SCHIP1: variants seen among roughly 807,000 people sequenced by gnomAD.
The protein encoded by SCHIP1 is schwannomin-interacting protein 1.
Under a neutral mutation model 29.7 loss-of-function variants are expected in SCHIP1, and 8 were observed. That is an observed-to-expected ratio of 0.27 (90% CI 0.16 to 0.49). The LOEUF is 0.49. SCHIP1 is among the 20% of genes least tolerant of loss of function. The pLI, the probability that SCHIP1 is intolerant of heterozygous loss-of-function variation, is 0.99. For missense variants in SCHIP1, 193 were observed against 294.6 expected, an observed-to-expected ratio of 0.66 and a Z score of 2.52; for synonymous variants, 76 against 94.9, an observed-to-expected ratio of 0.80 and a Z score of 1.16.
Position 159,895,826 on chromosome 3 carries a change from G to T in SCHIP1, c.684-897G>T, listed in dbSNP as rs577517954. On this transcript the variant is annotated intron_variant, in intron 6 of 6. Transcript: ENST00000445224. ...TTTTCCTGCCTCAGCCTCCTGAATAGCTGGGATTACAGGCGCACACCACCA... is the reference window on the plus strand; with the variant it reads ...TTTTCCTGCCTCAGCCTCCTGAATATCTGGGATTACAGGCGCACACCACCA... 7.2e-5 allele frequency among the ~76,000 whole-genome samples: 11 copies of T among 152,306 alleles called. No homozygotes were observed. In the South Asian group the frequency reaches 2.3e-3, roughly 32 times the overall value.
the SCHIP1 span, among the ~76,000 whole-genome samples, chr3:159,435,552 G>T: frequency 2.6e-4 from 39 of 152,234 alleles, no homozygotes; most frequent in African/African-American, 8.9e-4. Flanking sequence ...TCTTCAAAAT[G>T]ATTGAATGTG....
At chr3:159,648,958 A>G in the SCHIP1 span, among the ~76,000 whole-genome samples, 85 of 152,042 alleles carry the variant, frequency 5.6e-4, no homozygotes, top group African/African-American at 2.0e-3. Context: ...AGGACCTGAA[A>G]CTAATCCTAC....
At chr3:159,574,545 C>T in the SCHIP1 span, among the ~76,000 whole-genome samples, 4 of 152,196 alleles carry the variant, frequency 2.6e-5, no homozygotes, top group African/African-American at 9.6e-5. Context: ...GGAAGTGTCT[C>T]CCAGTTAGGC....
At chr3:159,738,786 CTG>C in the SCHIP1 span, among the ~76,000 whole-genome samples, 6 of 152,158 alleles carry the variant, frequency 3.9e-5, no homozygotes, top group Non-Finnish European at 7.4e-5. Context: ...GAGAGAGAAA[CTG>C]TGTGTATTTG....
chr3:159,788,933 A>C, the SCHIP1 span, among the ~76,000 whole-genome samples: 1 of 152,204 alleles, frequency 6.6e-6, no homozygotes, highest in South Asian at 2.1e-4. Flanking sequence ...TTGAGGGCTG[A>C]CATGATGCTT....
the SCHIP1 span, among the ~76,000 whole-genome samples, chr3:159,596,790 G>A: frequency 6.6e-6 from 1 of 151,818 alleles, no homozygotes; most frequent in Admixed American, 6.6e-5. Flanking sequence ...CACACACTGG[G>A]GGTGTCATGG....
the SCHIP1 span, among the ~76,000 whole-genome samples, chr3:159,557,945 G>A: frequency 1.3e-5 from 2 of 152,260 alleles, no homozygotes; most frequent in African/African-American, 2.4e-5. Context: ...TAAGGACGCA[G>A]TTCCTGGGTA....
chr3:159,717,442 C>G, the SCHIP1 span, among the ~76,000 whole-genome samples: 9 of 152,232 alleles, frequency 5.9e-5, no homozygotes, highest in Middle Eastern at 0.01. Flanking sequence ...AATCCAGGAG[C>G]TGGTTTTTTG....
intron 1 of SCHIP1, among the ~76,000 whole-genome samples, chr3:159,859,749 C>G (rs1448627859): frequency 1.3e-5 from 2 of 152,234 alleles, no homozygotes; most frequent in South Asian, 2.1e-4. Context: ...CTCTGTGTTT[C>G]ATCTAGCTAC....
intron 5 of SCHIP1, among the ~76,000 whole-genome samples, chr3:159,890,011 C>T (rs1458715700): frequency 2.0e-5 from 3 of 151,510 alleles, no homozygotes; most frequent in South Asian, 2.1e-4. Context: ...AGGAGAATGG[C>T]GTGAACCCGG....
intron 1 of SCHIP1, among the ~76,000 whole-genome samples, chr3:159,858,496 G>A (rs1374308204): frequency 6.6e-6 from 1 of 152,114 alleles, no homozygotes; most frequent in African/African-American, 2.4e-5. Flanking sequence ...TGGACTCTGC[G>A]CAGCGGCATT....
the SCHIP1 span, among the ~76,000 whole-genome samples, chr3:159,357,487 A>G: frequency 7.9e-5 from 12 of 152,352 alleles, 1 homozygote; most frequent in East Asian, 5.8e-4. Flanking sequence ...AGTTCTATCA[A>G]TGAGAGGACA....
At chr3:159,892,491 C>T in intron 6 of SCHIP1, 1 of 550,706 alleles carries the variant, frequency 1.8e-6, no homozygotes, top group Non-Finnish European at 3.2e-6. Flanking sequence ...GGACTGTCCC[C>T]TGGGAAGCTG....
At chr3:159,652,826 A>C in the SCHIP1 span, among the ~76,000 whole-genome samples, 1 of 152,208 alleles carries the variant, frequency 6.6e-6, no homozygotes, top group Non-Finnish European at 1.5e-5. Context: ...ATGATAAATT[A>C]TTCTCACTTC....
the SCHIP1 span, among the ~76,000 whole-genome samples, chr3:159,595,447 G>T: frequency 6.6e-6 from 1 of 152,038 alleles, no homozygotes; most frequent in African/African-American, 2.4e-5. Context: ...GCTAGGAAAG[G>T]ATATAAAAGA....
the SCHIP1 span, among the ~76,000 whole-genome samples, chr3:159,294,359 G>A: frequency 1.8e-4 from 27 of 152,038 alleles, no homozygotes; most frequent in African/African-American, 6.5e-4. Flanking sequence ...TTGATTTGGG[G>A]TTCTCAATAA....
the SCHIP1 span, among the ~76,000 whole-genome samples, chr3:159,594,804 T>A: frequency 6.6e-6 from 1 of 152,176 alleles, no homozygotes; most frequent in Non-Finnish European, 1.5e-5. Flanking sequence ...GTCTGCTAAG[T>A]CCTTCAATGA....
At chr3:159,291,206 TAA>T in the SCHIP1 span, among the ~76,000 whole-genome samples, 1 of 151,870 alleles carries the variant, frequency 6.6e-6, no homozygotes, top group Non-Finnish European at 1.5e-5. Context: ...TATTTGGGCA[TAA>T]AAAAGATAAT....
chr3:159,355,850 A>G, the SCHIP1 span, among the ~76,000 whole-genome samples: 1 of 152,214 alleles, frequency 6.6e-6, no homozygotes, highest in Non-Finnish European at 1.5e-5. Context: ...TGTTTTTACT[A>G]AAGTCATTAT....
Sources: gnomAD v4.1 joint callset for allele counts (sites outside exome capture counted in the v4.1 genomes callset) on GRCh38, gnomAD v4.1.1 for gene constraint, MANE v1.5 for transcripts, NCBI Gene and HGNC (gene_info 2026-07-23, HGNC 2026-07-21) for gene names.